Variants in RBMS3 observed in about 807,000 individuals in gnomAD.
RBMS3 encodes RNA binding motif single stranded interacting protein 3, also known as RNA-binding motif, single-stranded-interacting protein 3.
Under a neutral mutation model 66.8 loss-of-function variants are expected in RBMS3, and 27 were observed. The observed-to-expected ratio is 0.40, with a 90% confidence interval of 0.30 to 0.56. The LOEUF (loss-of-function observed/expected upper bound fraction) is 0.56, where lower values mean the gene tolerates loss of function less well. Ranked by LOEUF, RBMS3 falls within the 20% of genes least tolerant of loss-of-function variation. The pLI is 0.40. For synonymous variants in RBMS3, 188 were observed against 183.0 expected, an observed-to-expected ratio of 1.03 and a Z score of -0.22; for missense variants, 513 against 549.5, an observed-to-expected ratio of 0.93 and a Z score of 0.66.
intron 1 of RBMS3, among the ~76,000 whole-genome samples, chr3:29,365,543 A>T (rs1331275708): frequency 6.6e-6 from 1 of 151,360 alleles, no homozygotes; most frequent in Non-Finnish European, 1.5e-5. Context: ...TTCAAACTAC[A>T]ATGAACATGA....
At chr3:29,656,514 C>A (rs1356460480) in intron 4 of RBMS3, among the ~76,000 whole-genome samples, 7 of 152,122 alleles carry the variant, frequency 4.6e-5, no homozygotes, top group Non-Finnish European at 4.4e-5. Context: ...GATGAAATTA[C>A]CTAATGATGC....
chr3:29,865,106 G>GAGGGAGGAAGGAAGGA (rs1553688521), intron 6 of RBMS3, among the ~76,000 whole-genome samples: 1 of 127,210 alleles, frequency 7.9e-6, no homozygotes, highest in African/African-American at 3.3e-5. Context: ...GGGAGGGAGG[G>GAGGGAGGAAGGAAGGA]AGGAAGGAAG....
intron 4 of RBMS3, chr3:29,698,139 C>A: frequency 1.1e-6 from 1 of 903,872 alleles, no homozygotes; most frequent in Non-Finnish European, 1.3e-6. Context: ...GCTGTGCCTA[C>A]ATTCCAGTGA....
chr3:29,518,517 G>C lies in RBMS3; in HGVS notation c.307+30018G>C, dbSNP rs1026098463. ...CCTGATCTATTGTATAGTAAAAGAAGGTCATTATTAAAGGTGCATCCTTTA... is the reference window on the plus strand; with the variant it reads ...CCTGATCTATTGTATAGTAAAAGAACGTCATTATTAAAGGTGCATCCTTTA... On this transcript the variant is annotated intron_variant, in intron 3 of 14. Coordinates refer to ENST00000383767, the MANE Select transcript of RBMS3 (RefSeq NM_001003793.3). Among the ~76,000 whole-genome samples the C allele has an allele frequency of 3.3e-5, 5 of 152,074 alleles. No homozygotes were observed. The East Asian group carries it at 7.7e-4, about 23-fold the overall frequency.
At chr3:29,385,474 C>G (rs1575674944) in intron 1 of RBMS3, among the ~76,000 whole-genome samples, 2 of 152,192 alleles carry the variant, frequency 1.3e-5, no homozygotes, top group African/African-American at 4.8e-5. Context: ...CCAGAAGACA[C>G]TACTTCCTCT....
intron 6 of RBMS3, among the ~76,000 whole-genome samples, chr3:29,857,893 C>T (rs1239060115): frequency 2.6e-5 from 4 of 152,096 alleles, no homozygotes; most frequent in Admixed American, 6.5e-5. Flanking sequence ...TTTAGCTCAT[C>T]CCCTATTGAT....
At chr3:29,386,297 T>A (rs1447516897) in intron 1 of RBMS3, among the ~76,000 whole-genome samples, 1 of 152,142 alleles carries the variant, frequency 6.6e-6, no homozygotes, top group East Asian at 1.9e-4. Context: ...TATTCTCCCA[T>A]TCCATAATGA....
intron 4 of RBMS3, among the ~76,000 whole-genome samples, chr3:29,656,467 A>T (rs940607431): frequency 1.3e-5 from 2 of 152,230 alleles, no homozygotes; most frequent in African/African-American, 4.8e-5. Flanking sequence ...TATGCCGTCT[A>T]GGTGTGTCTA....
chr3:29,501,361 C>T (rs1347582239), intron 3 of RBMS3, among the ~76,000 whole-genome samples: 1 of 152,052 alleles, frequency 6.6e-6, no homozygotes, highest in Non-Finnish European at 1.5e-5. Flanking sequence ...TAGAGCCAAC[C>T]CTTTGTCTCT....
At chr3:29,702,908 A>G (rs1271240004) in intron 4 of RBMS3, among the ~76,000 whole-genome samples, 1 of 152,232 alleles carries the variant, frequency 6.6e-6, no homozygotes, top group Non-Finnish European at 1.5e-5. Context: ...AGTGAGACCA[A>G]GAACCCACCA....
chr3:29,684,832 C>A (rs1006928309), intron 4 of RBMS3, among the ~76,000 whole-genome samples: 1 of 149,320 alleles, frequency 6.7e-6, no homozygotes, highest in Non-Finnish European at 1.5e-5. Context: ...ATACACTGAG[C>A]TAAAGAGGAT....
intron 1 of RBMS3, chr3:29,391,277 C>T (rs1360560050): frequency 6.5e-6 from 1 of 153,464 alleles, no homozygotes; most frequent in Non-Finnish European, 1.5e-5. Flanking sequence ...TTATCCAATA[C>T]AAGCATGGCA....
At chr3:29,688,231 A>C (rs1231347319) in intron 4 of RBMS3, among the ~76,000 whole-genome samples, 1 of 152,112 alleles carries the variant, frequency 6.6e-6, no homozygotes, top group Non-Finnish European at 1.5e-5. Context: ...CAATCTTCCA[A>C]TGCTTTTATG....
At chr3:29,534,814 G>A (rs550841730) in intron 3 of RBMS3, among the ~76,000 whole-genome samples, 3 of 152,206 alleles carry the variant, frequency 2.0e-5, no homozygotes, top group East Asian at 1.9e-4. Flanking sequence ...TTATCCACTC[G>A]TGTCATATGT....
intron 4 of RBMS3, among the ~76,000 whole-genome samples, chr3:29,620,082 G>C (rs115824548): frequency 0.015 from 2,345 of 152,222 alleles, 75 homozygotes; most frequent in African/African-American, 0.053. Context: ...GTTAAAATAA[G>C]GGTGAATAAT....
At chr3:29,312,396 C>A (rs991058905) in intron 1 of RBMS3, among the ~76,000 whole-genome samples, 2 of 151,660 alleles carry the variant, frequency 1.3e-5, no homozygotes, top group Admixed American at 6.6e-5. Flanking sequence ...AAGAGGTTCA[C>A]TTACATAGGG....
intron 5 of RBMS3, among the ~76,000 whole-genome samples, chr3:29,750,333 A>T (rs2055117227): frequency 6.6e-6 from 1 of 152,196 alleles, no homozygotes; most frequent in Non-Finnish European, 1.5e-5. Flanking sequence ...GAGAAGACTT[A>T]AAGTAAAACG....
chr3:29,739,869 C>T lies in RBMS3; in HGVS notation c.549C>T (p.Gly183=). The T allele has an allele frequency of 6.4e-7, 1 of 1,571,174 alleles. No individual in the cohort carries two copies. Among genetic ancestry groups the T allele is most frequent in the Non-Finnish European group, 8.6e-7 (1 of 1,162,890 alleles). ...RDANGVSRGV[G]FARMESTEKC... ...CTAATGGAGTCAGCAGAGGTGTTGG[C>T]TTTGCCAGGTAAAATTCTTTCTTTG... is the stretch of plus-strand genomic sequence containing the variant. The change falls in exon 5 of 15, where the codon GGC becomes GGT. Residue 183 remains glycine, a synonymous_variant. Coordinates refer to ENST00000383767, the MANE Select transcript of RBMS3 (RefSeq NM_001003793.3).
chr3:29,994,129 G>A (rs1699062300), intron 14 of RBMS3, among the ~76,000 whole-genome samples: 1 of 152,228 alleles, frequency 6.6e-6, no homozygotes, highest in Non-Finnish European at 1.5e-5. Flanking sequence ...AGCGCAAGGG[G>A]TCAGGGAGTT....
Sources: allele counts gnomAD v4.1 joint callset (sites outside exome capture counted in the v4.1 genomes callset), GRCh38; gene constraint gnomAD v4.1.1; transcripts MANE v1.5; gene names NCBI Gene and HGNC (gene_info 2026-07-23, HGNC 2026-07-21).